The following CNTN5 variants were observed in gnomAD, a reference collection of about 807,000 sequenced individuals.
The protein encoded by CNTN5 is contactin 5.
CNTN5 carries 77 observed loss-of-function variants against 129.1 expected under a neutral mutation model. The ratio of observed to expected loss-of-function variants is 0.60; its 90% CI spans 0.50 to 0.72. The LOEUF is 0.72. Ranked by LOEUF, CNTN5 falls within the 30% of genes least tolerant of loss-of-function variation. The probability of loss-of-function intolerance (pLI) is 0.00; values close to 1 mark genes in which losing one functional copy is unlikely to be tolerated. For missense variants in CNTN5, 1,478 were observed against 1,328.8 expected (o/e 1.11, Z -1.75); for synonymous variants, 509 against 465.6 (o/e 1.09, Z -1.20).
intron 10 of CNTN5, among the ~76,000 whole-genome samples, chr11:100,066,416 C>A (rs958210213): frequency 6.6e-6 from 1 of 152,000 alleles, no homozygotes; most frequent in African/African-American, 2.4e-5. Flanking sequence ...ACAAAAGAGG[C>A]CAATAACACT....
At chr11:99,832,753 C>CATT (rs1205776274) in intron 4 of CNTN5, among the ~76,000 whole-genome samples, 12 of 152,222 alleles carry the variant, frequency 7.9e-5, no homozygotes, top group African/African-American at 2.4e-4. Flanking sequence ...ATAAAGTATA[C>CATT]TAATGATCAT....
intron 3 of CNTN5, among the ~76,000 whole-genome samples, chr11:99,792,573 G>GTGTGTGTGTGTGTGTGTGTGTGTGTGTC (rs34622017): frequency 8.6e-6 from 1 of 116,686 alleles, no homozygotes; most frequent in African/African-American, 3.7e-5. Context: ...GTGTGTGTGT[G>GTGTGTGTGTGTGTGTGTGTGTGTGTGTC]TGTCTGTCTG....
intron 3 of CNTN5, among the ~76,000 whole-genome samples, chr11:99,702,005 C>T (rs917295022): frequency 2.1e-4 from 32 of 151,090 alleles, no homozygotes; most frequent in African/African-American, 6.5e-4. Context: ...AACCCAGTCA[C>T]AGTCCTTATT....
chr11:99,354,166 T>C (rs1591561920), intron 2 of CNTN5, among the ~76,000 whole-genome samples: 3 of 152,330 alleles, frequency 2.0e-5, no homozygotes, highest in African/African-American at 7.2e-5. Context: ...CACAATTATG[T>C]ATTTTCAATA....
intron 9 of CNTN5, among the ~76,000 whole-genome samples, chr11:100,052,517 C>A (rs1943012665): frequency 6.6e-6 from 1 of 151,688 alleles, no homozygotes; most frequent in Non-Finnish European, 1.5e-5. Context: ...CGCAGAAGAC[C>A]TGTACACTGA....
At chr11:99,458,606 C>T (rs1278875598) in intron 2 of CNTN5, among the ~76,000 whole-genome samples, 1 of 152,006 alleles carries the variant, frequency 6.6e-6, no homozygotes, top group Non-Finnish European at 1.5e-5. Context: ...CTCTGAAAAC[C>T]GATTTCCTTA....
At chr11:99,316,486 G>T (rs1362197012) in intron 1 of CNTN5, among the ~76,000 whole-genome samples, 1 of 151,908 alleles carries the variant, frequency 6.6e-6, no homozygotes, top group South Asian at 2.1e-4. Context: ...GGTAATGATC[G>T]CTGAGACTCA....
At chr11:100,179,795 T>TAG (rs1269790609) in intron 13 of CNTN5, among the ~76,000 whole-genome samples, 1 of 152,066 alleles carries the variant, frequency 6.6e-6, no homozygotes, top group African/African-American at 2.4e-5. Context: ...TTTACATAAA[T>TAG]AACAAAGGAA....
rs1201302848 is a variant in CNTN5 at position 99,753,133 on chromosome 11, T to TTTTTC, written c.56-66407_56-66406insCTTTT. ...AGCCATATTTGCTTTTTTTTTTTTT[T>TTTTTC]TTTTTTTGAGATGGAGTCTCGCTTT... On this transcript the variant is annotated intron_variant, in intron 3 of 24. Coordinates refer to ENST00000524871, the MANE Select transcript of CNTN5 (RefSeq NM_014361.4). Among the ~76,000 whole-genome samples, 53 of 144,758 alleles carry TTTTTC rather than the reference T, an allele frequency of 3.7e-4. 2 individuals carry two copies. Among genetic ancestry groups the TTTTTC allele is most frequent in the Middle Eastern group, 7.0e-3 (2 of 284 alleles). The allele number at this position is 144,758 out of a possible 152,430, so 95.0% of individuals were successfully genotyped here. A position where few individuals can be genotyped will look rare whatever the true frequency, so the allele number is the denominator to read the frequency against.
chr11:100,327,550 C>T (rs558407588), intron 21 of CNTN5, among the ~76,000 whole-genome samples: 1 of 152,260 alleles, frequency 6.6e-6, no homozygotes, highest in East Asian at 1.9e-4. Flanking sequence ...TATATAGCTT[C>T]CCATAAACCT....
chr11:100,337,058 C>A, intron 21 of CNTN5: 1 of 1,181,010 alleles, frequency 8.5e-7, no homozygotes. Flanking sequence ...ATTGGCAATG[C>A]TGAGATTTCA....
intron 3 of CNTN5, among the ~76,000 whole-genome samples, chr11:99,770,881 G>A (rs1021071868): frequency 6.6e-6 from 1 of 151,990 alleles, no homozygotes; most frequent in Non-Finnish European, 1.5e-5. Flanking sequence ...AAAGCTGGAG[G>A]CATCACAGCT....
intron 3 of CNTN5, among the ~76,000 whole-genome samples, chr11:99,774,978 A>G (rs1333716967): frequency 1.3e-5 from 2 of 152,100 alleles, no homozygotes; most frequent in Non-Finnish European, 2.9e-5. Context: ...TGAAAGCGTC[A>G]CTTTGGTTTG....
At chr11:99,709,628 A>G (rs1288566718) in intron 3 of CNTN5, among the ~76,000 whole-genome samples, 1 of 151,888 alleles carries the variant, frequency 6.6e-6, no homozygotes, top group Non-Finnish European at 1.5e-5. Flanking sequence ...TTGGGTAGTA[A>G]TTCCATCAAA....
intron 9 of CNTN5, among the ~76,000 whole-genome samples, chr11:100,046,603 T>C (rs1236768767): frequency 2.0e-5 from 3 of 152,170 alleles, no homozygotes; most frequent in Admixed American, 6.5e-5. Context: ...TTATTTATTT[T>C]ATCTAATAAA....
intron 18 of CNTN5, among the ~76,000 whole-genome samples, chr11:100,278,072 T>G (rs1950554898): frequency 6.6e-6 from 1 of 152,148 alleles, no homozygotes; most frequent in Non-Finnish European, 1.5e-5. Flanking sequence ...AGACTGTCCT[T>G]TCTTTGATGT....
intron 9 of CNTN5, among the ~76,000 whole-genome samples, chr11:100,042,663 A>G (rs546276190): frequency 6.6e-6 from 1 of 152,200 alleles, no homozygotes; most frequent in African/African-American, 2.4e-5. Context: ...ACAATGGCCA[A>G]AGTTCATCCA....
intron 13 of CNTN5, among the ~76,000 whole-genome samples, chr11:100,179,280 T>C (rs1198224197): frequency 1.3e-5 from 2 of 152,066 alleles, no homozygotes; most frequent in Non-Finnish European, 2.9e-5. Context: ...GTTTCATGAG[T>C]TCAACTGCTT....
intron 13 of CNTN5, among the ~76,000 whole-genome samples, chr11:100,153,447 A>C (rs1026741632): frequency 3.9e-5 from 6 of 152,128 alleles, no homozygotes; most frequent in South Asian, 2.1e-4. Flanking sequence ...ATATAAAAAA[A>C]CGCTTATTAT....
Sources: gnomAD v4.1 joint callset for allele counts (sites outside exome capture counted in the v4.1 genomes callset) on GRCh38, gnomAD v4.1.1 for gene constraint, MANE v1.5 for transcripts, NCBI Gene and HGNC (gene_info 2026-07-23, HGNC 2026-07-21) for gene names.